Variants in TMEM108 observed in about 807,000 individuals in gnomAD.
TMEM108 encodes transmembrane protein 108.
TMEM108 carries 12 observed loss-of-function variants against 35.1 expected under a neutral mutation model. The observed-to-expected ratio is 0.34, with a 90% CI of 0.22 to 0.55. The LOEUF (loss-of-function observed/expected upper bound fraction) is 0.55, where lower values mean the gene tolerates loss of function less well. Ranked by LOEUF, TMEM108 falls within the 20% of genes least tolerant of loss-of-function variation. The pLI is 0.89. For missense variants in TMEM108, 680 were observed against 753.3 expected (o/e 0.90, Z 1.14); for synonymous variants, 287 against 308.6 (o/e 0.93, Z 0.73).
Position 133,233,149 on chromosome 3 carries a change from C to T in TMEM108, c.40+3798C>T, listed in dbSNP as rs796557261. On this transcript the variant is annotated intron_variant, in intron 3 of 5. Transcript: ENST00000321871. ...TGGTGTGCTGCACCCATTAACTCGT[C>T]ATTTAGCATTAGGTATATCTCCTAA... Among the ~76,000 whole-genome samples the T allele has an allele frequency of 7.2e-5, 11 of 151,858 alleles. No homozygotes were observed. In the South Asian group the frequency reaches 2.3e-3, roughly 32 times the overall value.
At chr3:133,230,407 G>A (rs1351619960) in intron 3 of TMEM108, among the ~76,000 whole-genome samples, 1 of 152,180 alleles carries the variant, frequency 6.6e-6, no homozygotes, top group Non-Finnish European at 1.5e-5. Context: ...TTTCAGCCTG[G>A]TGGAAAGTCG....
chr3:133,364,706 G>A (rs1639874309), intron 3 of TMEM108, among the ~76,000 whole-genome samples: 1 of 152,178 alleles, frequency 6.6e-6, no homozygotes, highest in African/African-American at 2.4e-5. Flanking sequence ...GAAAGACATG[G>A]GAAAGGATTG....
intron 3 of TMEM108, among the ~76,000 whole-genome samples, chr3:133,238,827 A>C (rs546349263): frequency 1.3e-5 from 2 of 152,232 alleles, no homozygotes; most frequent in Non-Finnish European, 2.9e-5. Context: ...GACTCCAAAA[A>C]TACGTGACCT....
At chr3:133,241,502 A>G (rs540731011) in intron 3 of TMEM108, among the ~76,000 whole-genome samples, 1 of 151,666 alleles carries the variant, frequency 6.6e-6, no homozygotes, top group East Asian at 1.9e-4. Context: ...CTGTACCAGG[A>G]TATCACTCAG....
chr3:133,185,118 G>A (rs1175579915), intron 2 of TMEM108, among the ~76,000 whole-genome samples: 6 of 152,034 alleles, frequency 3.9e-5, no homozygotes, highest in Non-Finnish European at 8.8e-5. Flanking sequence ...TTTCTTGTCT[G>A]TAGAATTTAT....
chr3:133,374,076 C>T (rs1200051181), intron 3 of TMEM108, among the ~76,000 whole-genome samples: 1 of 152,188 alleles, frequency 6.6e-6, no homozygotes, highest in Non-Finnish European at 1.5e-5. Context: ...TTACGGGGGG[C>T]CAAAGCCCCC....
intron 3 of TMEM108, among the ~76,000 whole-genome samples, chr3:133,303,500 A>G (rs1056509039): frequency 2.0e-5 from 3 of 152,202 alleles, no homozygotes; most frequent in Non-Finnish European, 4.4e-5. Context: ...TAAGCTGCGG[A>G]TTCAGTATCC....
At chr3:133,169,846 A>G (rs75206328) in intron 2 of TMEM108, among the ~76,000 whole-genome samples, 1,853 of 151,958 alleles carry the variant, frequency 0.012, 28 homozygotes, top group African/African-American at 0.043. Flanking sequence ...ATTAGCCCCA[A>G]TGAGTAAAAA....
chr3:133,234,662 C>A (rs1193682303), intron 3 of TMEM108, among the ~76,000 whole-genome samples: 7 of 152,134 alleles, frequency 4.6e-5, no homozygotes, highest in Admixed American at 4.6e-4. Flanking sequence ...TGGGCAAAAA[C>A]TGGAAGCATT....
chr3:133,252,261 G>A (rs1239387401), intron 3 of TMEM108, among the ~76,000 whole-genome samples: 3 of 152,176 alleles, frequency 2.0e-5, no homozygotes, highest in East Asian at 1.9e-4. Context: ...TTCTGGGTAT[G>A]TGAGATGAAT....
At chr3:133,082,370 C>T (rs772174227) in intron 2 of TMEM108, among the ~76,000 whole-genome samples, 4 of 152,196 alleles carry the variant, frequency 2.6e-5, no homozygotes, top group Non-Finnish European at 5.9e-5. Context: ...TCCTTGAACT[C>T]ACCCCAGTTT....
chr3:133,088,672 A>C (rs968534850), intron 2 of TMEM108, among the ~76,000 whole-genome samples: 3 of 152,198 alleles, frequency 2.0e-5, no homozygotes, highest in Admixed American at 6.5e-5. Context: ...TATTGGCATT[A>C]ATAACAGTTT....
chr3:133,134,550 C>T (rs574670183), intron 2 of TMEM108, among the ~76,000 whole-genome samples: 27 of 149,906 alleles, frequency 1.8e-4, no homozygotes, highest in South Asian at 1.5e-3. Context: ...TGCTTATTAA[C>T]GCTATTTCTT....
At chr3:133,109,903 G>A (rs781645554) in intron 2 of TMEM108, among the ~76,000 whole-genome samples, 1 of 152,172 alleles carries the variant, frequency 6.6e-6, no homozygotes, top group Non-Finnish European at 1.5e-5. Context: ...TGCAACATTA[G>A]TATATAATAC....
chr3:133,349,847 G>C (rs1195972536), intron 3 of TMEM108, among the ~76,000 whole-genome samples: 6 of 152,066 alleles, frequency 3.9e-5, no homozygotes, highest in Non-Finnish European at 8.8e-5. Context: ...TTGTAAACTA[G>C]TACAGCCATT....
chr3:133,362,171 C>T (rs894774088), intron 3 of TMEM108, among the ~76,000 whole-genome samples: 8 of 152,276 alleles, frequency 5.3e-5, no homozygotes, highest in Middle Eastern at 3.4e-3. Context: ...GTAACAGAAA[C>T]TTTGCTGCAG....
At chr3:133,392,155 G>A (rs1437292449) in intron 5 of TMEM108, among the ~76,000 whole-genome samples, 4 of 144,538 alleles carry the variant, frequency 2.8e-5, no homozygotes, top group Non-Finnish European at 6.1e-5. Flanking sequence ...TTTTTTTTTT[G>A]GTTGTTGTTT....
At chr3:133,244,744 G>A (rs942285006) in intron 3 of TMEM108, among the ~76,000 whole-genome samples, 1 of 152,174 alleles carries the variant, frequency 6.6e-6, no homozygotes, top group Non-Finnish European at 1.5e-5. Flanking sequence ...CTTCGAAAAC[G>A]TAAAGTTCTG....
rs150034552 is a variant in TMEM108 at position 133,380,263 on chromosome 3, G to T, written c.552G>T (p.Pro184=). The part of the protein sequence containing the change: ...KGAGNSSRPV[P]PAPGGHSRSK... ...CTGGTAATTCATCACGCCCTGTCCC[G>T]CCTGCACCTGGTGGCCACTCCAGGA... is the stretch of plus-strand genomic sequence containing the variant. The change falls in exon 4 of 6, where the codon CCG becomes CCT. Residue 184 remains proline, a synonymous_variant. Coordinates refer to ENST00000321871, the MANE Select transcript of TMEM108 (RefSeq NM_023943.4). The surrounding 1 kb of genome is among the most constrained non-coding windows in gnomAD (Gnocchi z 5.3). 2 of 1,613,914 alleles carry T rather than the reference G, an allele frequency of 1.2e-6. No individual in the cohort carries two copies. Among genetic ancestry groups the T allele is most frequent in the Non-Finnish European group, 1.7e-6 (2 of 1,179,964 alleles).
Sources: allele counts gnomAD v4.1 joint callset (sites outside exome capture counted in the v4.1 genomes callset), GRCh38; gene constraint gnomAD v4.1.1; non-coding constraint Gnocchi (gnomAD v3.1); transcripts MANE v1.5; gene names NCBI Gene and HGNC (gene_info 2026-07-23, HGNC 2026-07-21).